CNTNAP5: variants seen among roughly 807,000 people sequenced by gnomAD.
CNTNAP5 encodes contactin associated protein family member 5, also known as contactin-associated protein-like 5.
Under a neutral mutation model 150.2 loss-of-function variants are expected in CNTNAP5, and 72 were observed. The ratio of observed to expected loss-of-function variants is 0.48; its 90% CI spans 0.40 to 0.58. The LOEUF (loss-of-function observed/expected upper bound fraction) is 0.58, where lower values mean the gene tolerates loss of function less well. CNTNAP5 is among the 20% of genes least tolerant of loss of function. The pLI is 0.00. For synonymous variants in CNTNAP5, 672 were observed against 619.8 expected (o/e 1.08, Z -1.25); for missense variants, 1,636 against 1,626.2 (o/e 1.01, Z -0.10).
intron 1 of CNTNAP5, among the ~76,000 whole-genome samples, chr2:124,053,458 A>G (rs562244976): frequency 6.6e-6 from 1 of 152,352 alleles, no homozygotes; most frequent in Non-Finnish European, 1.5e-5. Flanking sequence ...TGAGACAGGT[A>G]AAGAACATGA....
intron 3 of CNTNAP5, among the ~76,000 whole-genome samples, chr2:124,368,748 T>C (rs1690440243): frequency 6.6e-6 from 1 of 151,982 alleles, no homozygotes; most frequent in Non-Finnish European, 1.5e-5. Context: ...GTGCTGGGGG[T>C]GGGAGGCCTG....
At chr2:124,153,530 G>A (rs910388468) in intron 1 of CNTNAP5, among the ~76,000 whole-genome samples, 5 of 151,228 alleles carry the variant, frequency 3.3e-5, no homozygotes, top group African/African-American at 1.2e-4. Context: ...AGGAGGGCCT[G>A]CTTCTCGGTT....
intron 21 of CNTNAP5, among the ~76,000 whole-genome samples, chr2:124,893,779 G>T (rs1678248976): frequency 1.3e-5 from 2 of 152,068 alleles, no homozygotes; most frequent in African/African-American, 2.4e-5. Flanking sequence ...CCAGAGAATA[G>T]TTCCACTTTT....
intron 14 of CNTNAP5, among the ~76,000 whole-genome samples, chr2:124,748,645 C>T (rs1680657655): frequency 6.6e-6 from 1 of 152,126 alleles, no homozygotes; most frequent in Admixed American, 6.5e-5. Flanking sequence ...AAACTGTTAA[C>T]AGCAAGGACT....
chr2:124,139,543 G>A (rs966907918), intron 1 of CNTNAP5, among the ~76,000 whole-genome samples: 8 of 152,032 alleles, frequency 5.3e-5, no homozygotes, highest in Admixed American at 2.6e-4. Context: ...AGAGAGTCTC[G>A]GGAAAGAGGA....
chr2:124,324,293 C>T (rs956006340), intron 3 of CNTNAP5, among the ~76,000 whole-genome samples: 1 of 152,146 alleles, frequency 6.6e-6, no homozygotes, highest in African/African-American at 2.4e-5. Flanking sequence ...AGGACACAGA[C>T]ACAGAAGGAG....
At chr2:124,806,753 C>T (rs971685602) in intron 19 of CNTNAP5, among the ~76,000 whole-genome samples, 13 of 152,106 alleles carry the variant, frequency 8.5e-5, no homozygotes, top group African/African-American at 3.1e-4. Flanking sequence ...GTGGGATAAT[C>T]TTGTTGGTCA....
intron 12 of CNTNAP5, among the ~76,000 whole-genome samples, chr2:124,616,409 C>T (rs1461434205): frequency 1.3e-5 from 2 of 152,174 alleles, no homozygotes; most frequent in African/African-American, 4.8e-5. Flanking sequence ...CCTCACCTCT[C>T]TCAGCCTTTA....
At chr2:124,050,279 C>T (rs572925967) in intron 1 of CNTNAP5, among the ~76,000 whole-genome samples, 5 of 151,914 alleles carry the variant, frequency 3.3e-5, no homozygotes, top group South Asian at 2.1e-4. Flanking sequence ...GCCCCGGCAA[C>T]GTGGCAAAAC....
intron 4 of CNTNAP5, among the ~76,000 whole-genome samples, chr2:124,430,514 G>A (rs1474498004): frequency 6.6e-6 from 1 of 152,180 alleles, no homozygotes; most frequent in African/African-American, 2.4e-5. Flanking sequence ...TGTGAGGGTT[G>A]AAGAAAGGAA....
At chr2:124,466,859 A>G (rs192851902) in intron 6 of CNTNAP5, among the ~76,000 whole-genome samples, 1 of 152,342 alleles carries the variant, frequency 6.6e-6, no homozygotes, top group East Asian at 1.9e-4. Flanking sequence ...CATCTGCCAA[A>G]TAATGAAATA....
At chr2:124,473,980 T>G (rs145397639) in intron 6 of CNTNAP5, among the ~76,000 whole-genome samples, 1 of 152,054 alleles carries the variant, frequency 6.6e-6, no homozygotes, top group Non-Finnish European at 1.5e-5. Flanking sequence ...GTTTTTGCCA[T>G]TACTTTTAGT....
intron 1 of CNTNAP5, among the ~76,000 whole-genome samples, chr2:124,050,578 G>A (rs755262848): frequency 1.3e-5 from 2 of 152,096 alleles, no homozygotes; most frequent in African/African-American, 2.4e-5. Flanking sequence ...ACTTTCCGGG[G>A]TGCTCCAGAT....
intron 1 of CNTNAP5, among the ~76,000 whole-genome samples, chr2:124,140,074 T>A (rs1334488313): frequency 4.6e-5 from 7 of 151,868 alleles, no homozygotes; most frequent in Non-Finnish European, 1.0e-4. Context: ...TATTGCGCTT[T>A]TCAGACCGGC....
At chr2:124,718,506 C>G (rs1260461132) in intron 13 of CNTNAP5, among the ~76,000 whole-genome samples, 1 of 152,112 alleles carries the variant, frequency 6.6e-6, no homozygotes, top group African/African-American at 2.4e-5. Context: ...AATGGAAGAG[C>G]CCAAACTGCC....
chr2:124,347,989 G>A (rs1014101142), intron 3 of CNTNAP5, among the ~76,000 whole-genome samples: 46 of 151,934 alleles, frequency 3.0e-4, no homozygotes, highest in African/African-American at 1.1e-3. Context: ...CACCACGCCC[G>A]GCTAATTTTT....
At chr2:124,805,096 G>A (rs577691306) in intron 19 of CNTNAP5, among the ~76,000 whole-genome samples, 1 of 152,130 alleles carries the variant, frequency 6.6e-6, no homozygotes, top group African/African-American at 2.4e-5. Flanking sequence ...GCAGTGCGTA[G>A]AGGCAGAACA....
intron 4 of CNTNAP5, among the ~76,000 whole-genome samples, chr2:124,418,622 A>G (rs1250318919): frequency 2.6e-5 from 4 of 152,220 alleles, no homozygotes; most frequent in Non-Finnish European, 5.9e-5. Context: ...AAATGACTGT[A>G]TTTATCTTGA....
intron 19 of CNTNAP5, among the ~76,000 whole-genome samples, chr2:124,835,080 G>T (rs1682801323): frequency 6.6e-6 from 1 of 151,954 alleles, no homozygotes; most frequent in Non-Finnish European, 1.5e-5. Context: ...AATTAATAAT[G>T]ACTTTTATCT....
Sources: allele counts gnomAD v4.1 joint callset (sites outside exome capture counted in the v4.1 genomes callset), GRCh38; gene constraint gnomAD v4.1.1; transcripts MANE v1.5; gene names NCBI Gene and HGNC (gene_info 2026-07-23, HGNC 2026-07-21).